The following CTNNA3 variants were observed in gnomAD, a reference collection of about 807,000 sequenced individuals.
CTNNA3 encodes the protein catenin alpha-3.
Under a neutral mutation model 95.7 loss-of-function variants are expected in CTNNA3, and 76 were observed. That is an observed-to-expected ratio of 0.79 (90% CI 0.66 to 0.96). The LOEUF is 0.96. Ranked by LOEUF, CTNNA3 falls within the 40% of genes least tolerant of loss-of-function variation. CTNNA3 has a pLI of 0.00. For synonymous variants in CTNNA3, 431 were observed against 374.4 expected, an observed-to-expected ratio of 1.15 and a Z score of -1.74; for missense variants, 1,191 against 1,089.8, an observed-to-expected ratio of 1.09 and a Z score of -1.31.
intron 7 of CTNNA3, among the ~76,000 whole-genome samples, chr10:66,933,963 G>A (rs1446583647): frequency 6.6e-6 from 1 of 152,030 alleles, no homozygotes. Context: ...GGTTTTTCAG[G>A]TGGGGAAGCA....
chr10:67,655,940 A>G (rs1286978131), intron 1 of CTNNA3, among the ~76,000 whole-genome samples: 1 of 152,212 alleles, frequency 6.6e-6, no homozygotes, highest in African/African-American at 2.4e-5. Context: ...AATCTAAATC[A>G]TCACAAGAAG....
intron 10 of CTNNA3, among the ~76,000 whole-genome samples, chr10:66,604,101 AG>A (rs2132266147): frequency 6.6e-6 from 1 of 152,272 alleles, no homozygotes; most frequent in South Asian, 2.1e-4. Flanking sequence ...AAGTTAAAAA[AG>A]CTACTGCATA....
intron 5 of CTNNA3, among the ~76,000 whole-genome samples, chr10:67,494,400 A>G (rs1838958817): frequency 6.6e-6 from 1 of 152,230 alleles, no homozygotes; most frequent in Non-Finnish European, 1.5e-5. Flanking sequence ...AATTCAATTA[A>G]TTTCAAAAGG....
At chr10:67,660,521 T>C (rs1458232562) in intron 1 of CTNNA3, among the ~76,000 whole-genome samples, 1 of 152,190 alleles carries the variant, frequency 6.6e-6, no homozygotes, top group Non-Finnish European at 1.5e-5. Flanking sequence ...TCTTCACTCA[T>C]CTTTCATAGC....
At chr10:67,003,964 T>A (rs923944481) in intron 7 of CTNNA3, among the ~76,000 whole-genome samples, 1 of 152,260 alleles carries the variant, frequency 6.6e-6, no homozygotes, top group African/African-American at 2.4e-5. Flanking sequence ...GGTCTGGAAT[T>A]TCTGTACTCA....
chr10:66,093,528 G>C (rs1374214011), intron 14 of CTNNA3, among the ~76,000 whole-genome samples: 1 of 151,968 alleles, frequency 6.6e-6, no homozygotes, highest in Non-Finnish European at 1.5e-5. Context: ...CAGAAATATA[G>C]GCTCAGGGAA....
intron 11 of CTNNA3, among the ~76,000 whole-genome samples, chr10:66,487,986 A>G (rs1426116973): frequency 6.6e-6 from 1 of 152,200 alleles, no homozygotes; most frequent in African/African-American, 2.4e-5. Flanking sequence ...ATTTGTGTAT[A>G]TGGGTAGAAA....
chr10:66,472,671 T>C (rs541901510), intron 11 of CTNNA3, among the ~76,000 whole-genome samples: 1 of 152,162 alleles, frequency 6.6e-6, no homozygotes, highest in Admixed American at 6.6e-5. Context: ...TAAAATTAAC[T>C]ATAAAAACTC....
intron 10 of CTNNA3, among the ~76,000 whole-genome samples, chr10:66,593,289 A>T (rs1034810373): frequency 5.9e-5 from 9 of 151,886 alleles, no homozygotes; most frequent in African/African-American, 2.2e-4. Flanking sequence ...TGATTTTTGT[A>T]CTCCCACCAT....
At chr10:67,652,665 C>T (rs192485479) in intron 1 of CTNNA3, among the ~76,000 whole-genome samples, 2 of 152,090 alleles carry the variant, frequency 1.3e-5, no homozygotes, top group Non-Finnish European at 2.9e-5. Flanking sequence ...ATACATAATA[C>T]CAGAACATAT....
chr10:67,286,755 T>A (rs1395647258), intron 5 of CTNNA3, among the ~76,000 whole-genome samples: 2 of 152,180 alleles, frequency 1.3e-5, no homozygotes, highest in African/African-American at 4.8e-5. Flanking sequence ...GTCTGTAAAA[T>A]TAACTCTGCA....
intron 5 of CTNNA3, among the ~76,000 whole-genome samples, chr10:67,244,500 A>G (rs1865835489): frequency 6.6e-6 from 1 of 152,210 alleles, no homozygotes; most frequent in African/African-American, 2.4e-5. Flanking sequence ...GGTATTCTGA[A>G]AAACTGATTT....
chr10:66,753,925 G>C (rs983254096), intron 9 of CTNNA3, among the ~76,000 whole-genome samples: 1 of 152,028 alleles, frequency 6.6e-6, no homozygotes, highest in African/African-American at 2.4e-5. Flanking sequence ...TCATGGATCA[G>C]AAGACATAAT....
chr10:67,517,716 T>C (rs1839866608), intron 5 of CTNNA3, among the ~76,000 whole-genome samples: 1 of 152,138 alleles, frequency 6.6e-6, no homozygotes, highest in Non-Finnish European at 1.5e-5. Flanking sequence ...CATCAAGAGA[T>C]ATCACCTTAG....
intron 7 of CTNNA3, among the ~76,000 whole-genome samples, chr10:67,031,402 G>T (rs902701891): frequency 1.3e-4 from 20 of 152,020 alleles, no homozygotes; most frequent in African/African-American, 4.8e-4. Context: ...TTCACTTCTG[G>T]CTACATTATC....
intron 6 of CTNNA3, among the ~76,000 whole-genome samples, chr10:67,180,963 T>A (rs887581627): frequency 6.6e-6 from 1 of 152,124 alleles, no homozygotes; most frequent in South Asian, 2.1e-4. Context: ...ATGTATCTCA[T>A]CCTGACAGCA....
At chr10:67,521,746 A>G (rs1839993979) in intron 5 of CTNNA3, 96 bp downstream of exon 5, 9 of 1,453,084 alleles carry the variant, frequency 6.2e-6, no homozygotes, top group Non-Finnish European at 5.6e-6. Context: ...CCATTAGAAG[A>G]TAAGTTTCCT....
intron 7 of CTNNA3, among the ~76,000 whole-genome samples, chr10:67,145,127 T>C (rs1313288762): frequency 1.3e-5 from 2 of 152,140 alleles, no homozygotes; most frequent in African/African-American, 4.8e-5. Flanking sequence ...ATTTATCAAT[T>C]AAGTTTACTG....
rs1589059106 is a variant in CTNNA3 at position 66,643,807 on chromosome 10, T to A, written c.1282-22023A>T. Among the ~76,000 whole-genome samples, 6 of 152,344 alleles carry A rather than the reference T, an allele frequency of 3.9e-5. No homozygotes were observed. The South Asian group carries it at 8.3e-4, about 21-fold the overall frequency. On this transcript the variant is annotated intron_variant, in intron 9 of 17. Transcript: ENST00000433211. ...ATCCCTTCTCTTCATTCTACCTTTG[T>A]TAGGTATATTTTTCTATTTCCAAAT...
Sources: gnomAD v4.1 joint callset for allele counts (sites outside exome capture counted in the v4.1 genomes callset) on GRCh38, gnomAD v4.1.1 for gene constraint, MANE v1.5 for transcripts, NCBI Gene and HGNC (gene_info 2026-07-23, HGNC 2026-07-21) for gene names.